Variants in SEM1 observed in about 807,000 individuals in gnomAD.
SEM1 encodes SEM1 26S proteasome subunit, also known as 26S proteasome complex subunit SEM1.
Under a neutral mutation model 12.7 loss-of-function variants are expected in SEM1, and 3 were observed. The observed-to-expected ratio is 0.24, with a 90% CI of 0.11 to 0.61. The LOEUF (loss-of-function observed/expected upper bound fraction) is 0.61, where lower values mean the gene tolerates loss of function less well. Ranked by LOEUF, SEM1 falls within the 20% of genes least tolerant of loss-of-function variation. SEM1 has a pLI of 0.88. For missense variants in SEM1, 59 were observed against 81.3 expected (o/e 0.73, Z 1.06); for synonymous variants, 30 against 27.8 (o/e 1.08, Z -0.25).
At chr7:96,539,762 CATG>C (rs1006141708) in intron 2 of SEM1, among the ~76,000 whole-genome samples, 1 of 151,748 alleles carries the variant, frequency 6.6e-6, no homozygotes, top group Non-Finnish European at 1.5e-5. Flanking sequence ...GGGCCTGTTT[CATG>C]ATATGTGCTC....
At chr7:96,483,858 G>A in exon 4 of SEM1, 1 of 1,536,634 alleles carries the variant, frequency 6.5e-7, no homozygotes, top group Non-Finnish European at 8.7e-7. Context: ...TTGATATGCT[G>A]CTAGCAAGTT....
At chr7:96,633,968 T>C (rs1808350930) in intron 2 of SEM1, among the ~76,000 whole-genome samples, 2 of 152,166 alleles carry the variant, frequency 1.3e-5, no homozygotes, top group Non-Finnish European at 2.9e-5. Flanking sequence ...TGGACGAGTA[T>C]TAATTTTCCT....
At chr7:96,639,697 A>C (rs1235479775) in intron 2 of SEM1, among the ~76,000 whole-genome samples, 1 of 151,970 alleles carries the variant, frequency 6.6e-6, no homozygotes, top group African/African-American at 2.4e-5. Context: ...CACCAAAGGC[A>C]TGATCCATGA....
chr7:96,544,888 G>A (rs949351114), intron 2 of SEM1, among the ~76,000 whole-genome samples: 3 of 151,958 alleles, frequency 2.0e-5, no homozygotes, highest in African/African-American at 7.2e-5. Context: ...AGGCTGAAGA[G>A]GAAGAGGAGA....
intron 1 of SEM1, among the ~76,000 whole-genome samples, chr7:96,699,174 T>C (rs1422656259): frequency 2.0e-5 from 3 of 152,128 alleles, no homozygotes; most frequent in Non-Finnish European, 4.4e-5. Context: ...CAACCCCAGA[T>C]TTCTTCTTAT....
intron 2 of SEM1, among the ~76,000 whole-genome samples, chr7:96,642,492 T>C (rs143691063): frequency 5.9e-5 from 9 of 151,610 alleles, no homozygotes; most frequent in African/African-American, 2.2e-4. Context: ...GTCTCCCTCT[T>C]TTTTTTTCTC....
chr7:96,510,959 A>G (rs1803916761), intron 2 of SEM1, among the ~76,000 whole-genome samples: 2 of 152,128 alleles, frequency 1.3e-5, no homozygotes, highest in African/African-American at 4.8e-5. Context: ...AAGGGCTGTC[A>G]TGAAGAGATT....
intron 2 of SEM1, among the ~76,000 whole-genome samples, chr7:96,611,241 C>A (rs1408780659): frequency 6.6e-6 from 1 of 152,156 alleles, no homozygotes; most frequent in South Asian, 2.1e-4. Context: ...GATTCACGTG[C>A]TTTTCCCGCA....
chr7:96,520,841 C>G (rs1243513964), intron 2 of SEM1, among the ~76,000 whole-genome samples: 1 of 152,082 alleles, frequency 6.6e-6, no homozygotes, highest in Non-Finnish European at 1.5e-5. Flanking sequence ...CTCTCCCCTT[C>G]TGGGTTCTTA....
At chr7:96,624,343 C>A (rs533489347) in intron 2 of SEM1, among the ~76,000 whole-genome samples, 2 of 152,090 alleles carry the variant, frequency 1.3e-5, no homozygotes, top group South Asian at 4.2e-4. Context: ...GATTTTCATA[C>A]CAAGCCAAGT....
chr7:96,585,106 CT>C (rs1313275924), intron 2 of SEM1, among the ~76,000 whole-genome samples: 3 of 152,100 alleles, frequency 2.0e-5, no homozygotes, highest in Non-Finnish European at 4.4e-5. Flanking sequence ...GTTTTATCTA[CT>C]TTTGGTCTTT....
intron 2 of SEM1, among the ~76,000 whole-genome samples, chr7:96,527,229 C>T (rs1163082943): frequency 1.3e-5 from 2 of 152,082 alleles, no homozygotes; most frequent in East Asian, 1.9e-4. Context: ...TAGCTAATAA[C>T]GTGTTCTTGC....
Position 96,703,046 on chromosome 7 carries a change from G to C in SEM1, c.76+6642C>G, listed in dbSNP as rs1341724538. On this transcript the variant is annotated intron_variant, in intron 1 of 2. Transcript: ENST00000248566. ...ATAGTAAGACATTATTGAGACAATGGGAGAAAGCTGAAAGTGATCTGTGGG... is the reference window on the plus strand; with the variant it reads ...ATAGTAAGACATTATTGAGACAATGCGAGAAAGCTGAAAGTGATCTGTGGG... Among the ~76,000 whole-genome samples, 5 of 152,330 alleles carry C rather than the reference G, an allele frequency of 3.3e-5. No homozygotes were observed. The East Asian group carries it at 9.6e-4, about 29-fold the overall frequency.
At chr7:96,511,224 C>T (rs1447008149) in intron 2 of SEM1, among the ~76,000 whole-genome samples, 1 of 152,116 alleles carries the variant, frequency 6.6e-6, no homozygotes, top group Non-Finnish European at 1.5e-5. Context: ...TGGTGATGTC[C>T]TGACCACAGA....
chr7:96,599,756 T>C (rs1807137150), intron 2 of SEM1, among the ~76,000 whole-genome samples: 3 of 152,318 alleles, frequency 2.0e-5, no homozygotes, highest in South Asian at 2.1e-4. Flanking sequence ...TGTCTTTATG[T>C]AGTCACTAGA....
Position 96,579,222 on chromosome 7 carries a change from G to A in SEM1, c.171-72524C>T, listed in dbSNP as rs76881885. On this transcript the variant is annotated intron_variant and NMD_transcript_variant, in intron 2 of 3. Transcript: ENST00000466986. ...ATGAAATCATTTCTAATCCAATGGT[G>A]CCAGTCATTACTACCATTTGAAATA... Among the ~76,000 whole-genome samples, 708 of 152,262 alleles carry A rather than the reference G, an allele frequency of 4.6e-3. 6 individuals carry two copies. The highest frequency in any genetic ancestry group is 0.016 in the African/African-American group (681 of 41,550).
chr7:96,489,614 G>C (rs558595890), intron 1 of SEM1, among the ~76,000 whole-genome samples: 1 of 152,244 alleles, frequency 6.6e-6, no homozygotes, highest in South Asian at 2.1e-4. Flanking sequence ...ACCTCAAACT[G>C]AGTGGCTTAA....
intron 2 of SEM1, among the ~76,000 whole-genome samples, chr7:96,675,434 G>A (rs1348228325): frequency 6.6e-6 from 1 of 152,120 alleles, no homozygotes; most frequent in African/African-American, 2.4e-5. Flanking sequence ...AACACTTAAT[G>A]TCCCTATCTT....
intron 2 of SEM1, among the ~76,000 whole-genome samples, chr7:96,519,913 A>G (rs1000010412): frequency 6.6e-6 from 1 of 152,094 alleles, no homozygotes; most frequent in Non-Finnish European, 1.5e-5. Context: ...ACTTGCAAGG[A>G]AAGAAGACGG....
Sources: allele counts gnomAD v4.1 joint callset (sites outside exome capture counted in the v4.1 genomes callset), GRCh38; gene constraint gnomAD v4.1.1; transcripts MANE v1.5; gene names NCBI Gene and HGNC (gene_info 2026-07-23, HGNC 2026-07-21).